CDH13: variants seen among roughly 807,000 people sequenced by gnomAD.
CDH13 encodes cadherin 13, also known as cadherin-13.
In CDH13, 24 loss-of-function variants were observed where a neutral mutation model predicts 63.8. The observed-to-expected ratio is 0.38, with a 90% CI of 0.27 to 0.53. CDH13 has a LOEUF of 0.53. Ranked by LOEUF, CDH13 falls within the 20% of genes least tolerant of loss-of-function variation. The pLI is 0.85. For missense variants in CDH13, 1,049 were observed against 903.1 expected (o/e 1.16, Z -2.07); for synonymous variants, 503 against 355.3 (o/e 1.42, Z -4.67).
intron 6 of CDH13, among the ~76,000 whole-genome samples, chr16:83,399,673 G>C (rs1017709605): frequency 6.6e-6 from 1 of 152,148 alleles, no homozygotes; most frequent in Admixed American, 6.5e-5. Context: ...CTCCTTGTTC[G>C]CTGGGAATCT....
At chr16:83,150,690 T>C (rs1230709031) in intron 4 of CDH13, among the ~76,000 whole-genome samples, 2 of 152,226 alleles carry the variant, frequency 1.3e-5, no homozygotes, top group African/African-American at 4.8e-5. Flanking sequence ...ATTTACTATA[T>C]GCTTATATAG....
At chr16:83,123,372 T>A (rs769803746) in intron 3 of CDH13, among the ~76,000 whole-genome samples, 1 of 152,030 alleles carries the variant, frequency 6.6e-6, no homozygotes, top group Non-Finnish European at 1.5e-5. Context: ...CTCTGACTCT[T>A]GGGTTCAAGT....
Position 82,858,373 on chromosome 16 carries a change from A to G in CDH13, c.57A>G (p.Leu19=). 6.2e-7 allele frequency: 1 copy of G among 1,611,134 alleles called. No homozygotes were observed. The highest frequency in any genetic ancestry group is 1.1e-5 in the South Asian group (1 of 90,974). The change falls in exon 2 of 14, where the codon CTA becomes CTG. Residue 19 remains leucine, a synonymous_variant. Transcript: ENST00000567109. ...TTTGGTTTTCTCAGGTGCTGCTGCT[A>G]ACATCTGCAGAAGATTTGGACTGCA... ...LCVLLSQVLL[L]TSAEDLDCTP... is the part of the protein sequence containing the mutation.
chr16:83,161,085 A>G (rs991553911), intron 4 of CDH13, among the ~76,000 whole-genome samples: 2 of 152,220 alleles, frequency 1.3e-5, no homozygotes, highest in Admixed American at 1.3e-4. Flanking sequence ...GTCATACATG[A>G]AAGAGATTGG....
intron 13 of CDH13, 134 bp from the exon 14 acceptor site, chr16:83,794,889 A>G: frequency 1.2e-6 from 1 of 807,006 alleles, no homozygotes; most frequent in Non-Finnish European, 2.1e-6. Flanking sequence ...AAGGAAAAAA[A>G]AAATTCCCCC....
At chr16:83,178,359 C>T (rs959938355) in intron 4 of CDH13, among the ~76,000 whole-genome samples, 9 of 152,186 alleles carry the variant, frequency 5.9e-5, no homozygotes, top group East Asian at 1.9e-4. Context: ...CCGCCGCACC[C>T]CAGTTGAGAA....
intron 6 of CDH13, among the ~76,000 whole-genome samples, chr16:83,428,072 G>C (rs1156891334): frequency 6.6e-6 from 1 of 152,214 alleles, no homozygotes; most frequent in Non-Finnish European, 1.5e-5. Context: ...ATGACACAGA[G>C]AGGGTCATTT....
chr16:83,315,267 A>T (rs1006567525), intron 5 of CDH13, among the ~76,000 whole-genome samples: 4 of 152,242 alleles, frequency 2.6e-5, no homozygotes, highest in Non-Finnish European at 5.9e-5. Context: ...GCAAGGTAAC[A>T]TTCAGAGTGC....
chr16:82,716,244 C>T (rs964756687), intron 1 of CDH13, among the ~76,000 whole-genome samples: 2 of 152,172 alleles, frequency 1.3e-5, no homozygotes, highest in African/African-American at 4.8e-5. Context: ...ACTGGATTTT[C>T]GGGACCTTGG....
rs1437492277 is a variant in CDH13, at chr16:83,519,474, A to G, written c.960+32819A>G. 6.6e-5 allele frequency among the ~76,000 whole-genome samples: 10 copies of G among 152,250 alleles called. No homozygotes were observed. In the East Asian group the frequency reaches 1.5e-3, roughly 23 times the overall value. On this transcript the variant is annotated intron_variant, in intron 7 of 13. Coordinates refer to ENST00000567109, the MANE Select transcript of CDH13 (RefSeq NM_001257.5). The stretch of plus-strand genomic sequence containing the variant: ...AAAATGAATTTCATATCGCACTTCT[A>G]CATTCCTTATTTGAGGGTATTTGAG...
At position 83,059,495 on chromosome 16, in the gene CDH13, T is replaced by A. The variant is rs75417607; in HGVS notation, c.366+27277T>A. 1.5e-3 allele frequency among the ~76,000 whole-genome samples: 229 copies of A among 152,254 alleles called. 1 individual carries two copies. The highest frequency in any genetic ancestry group is 2.3e-3 in the Non-Finnish European group (156 of 68,024). ...CTGAAATCAGAGGTGACTGCAAGGA[T>A]GTAACACTGGCGCTCGGGTGTCTGC... On this transcript the variant is annotated intron_variant, in intron 3 of 13. Transcript: ENST00000567109.
chr16:82,638,958 A>T (rs1489657313), intron 1 of CDH13, among the ~76,000 whole-genome samples: 1 of 152,188 alleles, frequency 6.6e-6, no homozygotes, highest in Non-Finnish European at 1.5e-5. Flanking sequence ...TGCAACCCTT[A>T]GAGGCGACTC....
rs756779857 is a variant in CDH13, at chr16:82,993,346, C to A, written c.158-38664C>A. 2.0e-5 allele frequency among the ~76,000 whole-genome samples: 3 copies of A among 151,898 alleles called. No individual in the cohort carries two copies. The South Asian group carries it at 6.2e-4, about 32-fold the overall frequency. ...ACGTTCTACATCATACAGATGCTTA[C>A]GCTTATTAAACTACTGATTTAAGTT... On this transcript the variant is annotated intron_variant, in intron 2 of 13. Transcript: ENST00000567109.
At chr16:83,247,472 A>T (rs1905088127) in intron 5 of CDH13, among the ~76,000 whole-genome samples, 1 of 141,862 alleles carries the variant, frequency 7.0e-6, no homozygotes, top group African/African-American at 2.6e-5. Flanking sequence ...GTACATCCTG[A>T]GGATGAAGCC....
chr16:83,014,448 T>C lies in CDH13; in HGVS notation c.158-17562T>C, dbSNP rs942818786. Reference sequence around the variant, plus strand: ...GTATAAAAGCCAGGTATAAAGGTATTTGTGGCCGACCATGGTGGCTTATGC... The same window carrying C: ...GTATAAAAGCCAGGTATAAAGGTATCTGTGGCCGACCATGGTGGCTTATGC... On this transcript the variant is annotated intron_variant, in intron 2 of 13. Coordinates refer to ENST00000567109, the MANE Select transcript of CDH13 (RefSeq NM_001257.5). Among the ~76,000 whole-genome samples the C allele has an allele frequency of 4.6e-5, 7 of 151,722 alleles. No homozygotes were observed. In the South Asian group the frequency reaches 1.0e-3, roughly 23 times the overall value.
rs377566547 is a variant in CDH13 at position 83,465,656 on chromosome 16, T to C, written c.782-20821T>C. ...AGTGTTGGGGAATTATATGGAACAC[T>C]CAAAGCAGACCTCCCCATCAGCTCA... is the stretch of plus-strand genomic sequence containing the variant. On this transcript the variant is annotated intron_variant, in intron 6 of 13. Transcript: ENST00000567109. 5.9e-5 allele frequency among the ~76,000 whole-genome samples: 9 copies of C among 152,320 alleles called. No individual in the cohort carries two copies. In the East Asian group the frequency reaches 1.2e-3, roughly 20 times the overall value.
chr16:83,478,337 G>C (rs374328892), intron 6 of CDH13, among the ~76,000 whole-genome samples: 1 of 152,110 alleles, frequency 6.6e-6, no homozygotes, highest in Non-Finnish European at 1.5e-5. Context: ...GAAGCTACCT[G>C]TATGGGCACT....
intron 1 of CDH13, among the ~76,000 whole-genome samples, chr16:82,820,533 C>G (rs2037954903): frequency 6.6e-6 from 1 of 152,182 alleles, no homozygotes; most frequent in South Asian, 2.1e-4. Flanking sequence ...CATCCTGCTT[C>G]TGGAACTGCA....
At chr16:83,661,789 A>G (rs1343568908) in intron 8 of CDH13, among the ~76,000 whole-genome samples, 1 of 152,210 alleles carries the variant, frequency 6.6e-6, no homozygotes, top group Non-Finnish European at 1.5e-5. Flanking sequence ...GTGTATCTGC[A>G]GCCAACACAT....
Sources: gnomAD v4.1 joint callset for allele counts (sites outside exome capture counted in the v4.1 genomes callset) on GRCh38, gnomAD v4.1.1 for gene constraint, MANE v1.5 for transcripts, NCBI Gene and HGNC (gene_info 2026-07-23, HGNC 2026-07-21) for gene names.